LRRC4C: variants seen among roughly 807,000 people sequenced by gnomAD.
LRRC4C encodes leucine-rich repeat-containing protein 4C.
In LRRC4C, 5 loss-of-function variants were observed where a neutral mutation model predicts 33.6. The ratio of observed to expected loss-of-function variants is 0.15; its 90% CI spans 0.08 to 0.31. The LOEUF is 0.31. LRRC4C is among the 10% of genes least tolerant of loss of function. The pLI is 1.00. For synonymous variants in LRRC4C, 329 were observed against 302.0 expected, an observed-to-expected ratio of 1.09 and a Z score of -0.93; for missense variants, 560 against 796.7, an observed-to-expected ratio of 0.70 and a Z score of 3.58.
chr11:41,291,372 T>C (rs1336439289), intron 1 of LRRC4C, among the ~76,000 whole-genome samples: 1 of 152,262 alleles, frequency 6.6e-6, no homozygotes, highest in South Asian at 2.1e-4. Context: ...TATTCTACTT[T>C]TGTTTTCATT....
chr11:40,324,889 T>G (rs1946023182), intron 3 of LRRC4C, among the ~76,000 whole-genome samples: 1 of 152,166 alleles, frequency 6.6e-6, no homozygotes, highest in Admixed American at 6.5e-5. Context: ...TGGCAAGATA[T>G]TGTGCCTCAG....
chr11:41,347,567 C>T lies in LRRC4C; in HGVS notation c.-496+111864G>A, dbSNP rs78244633. Among the ~76,000 whole-genome samples the T allele has an allele frequency of 1.8e-3, 272 of 152,216 alleles. 1 individual carries two copies. The highest frequency in any genetic ancestry group is 6.4e-3 in the African/African-American group (266 of 41,532). ...TCAGAGAACTTTGTAGATATCATTT[C>T]TTCATGGATGGAATCGATTTCTATC... On this transcript the variant is annotated intron_variant, in intron 1 of 6. Transcript: ENST00000528697.
chr11:41,399,665 T>G (rs1055596388), intron 1 of LRRC4C, among the ~76,000 whole-genome samples: 1 of 151,962 alleles, frequency 6.6e-6, no homozygotes, highest in Non-Finnish European at 1.5e-5. Context: ...GAAGAGAACA[T>G]AAAACTTTAA....
At chr11:40,626,716 T>C (rs1962962756) in intron 3 of LRRC4C, among the ~76,000 whole-genome samples, 1 of 152,204 alleles carries the variant, frequency 6.6e-6, no homozygotes, top group Admixed American at 6.5e-5. Flanking sequence ...TATCCAAATC[T>C]ACATACATCA....
intron 1 of LRRC4C, among the ~76,000 whole-genome samples, chr11:41,055,297 A>G (rs1421542400): frequency 6.6e-6 from 1 of 152,138 alleles, no homozygotes; most frequent in African/African-American, 2.4e-5. Context: ...CATTGTTTAA[A>G]TACAGCATAA....
At chr11:40,590,453 C>G (rs892238396) in intron 3 of LRRC4C, among the ~76,000 whole-genome samples, 22 of 151,520 alleles carry the variant, frequency 1.5e-4, no homozygotes, top group African/African-American at 4.6e-4. Context: ...GTAATTTGAT[C>G]GTCTGAAGCC....
intron 2 of LRRC4C, among the ~76,000 whole-genome samples, chr11:40,703,567 G>A (rs892198083): frequency 5.9e-5 from 9 of 152,122 alleles, no homozygotes; most frequent in African/African-American, 2.2e-4. Context: ...TCTCAAAAGA[G>A]AGAGACAGAG....
chr11:41,352,239 T>A (rs1052486632), intron 1 of LRRC4C, among the ~76,000 whole-genome samples: 29 of 152,100 alleles, frequency 1.9e-4, no homozygotes, highest in Non-Finnish European at 3.8e-4. Context: ...AGACCAAAAA[T>A]TTTAAACCAA....
chr11:40,990,067 G>T (rs894151232), intron 1 of LRRC4C, among the ~76,000 whole-genome samples: 2 of 150,850 alleles, frequency 1.3e-5, no homozygotes, highest in Non-Finnish European at 3.0e-5. Flanking sequence ...TATAGTATCT[G>T]CAGGGTAAGA....
At chr11:41,244,493 C>G (rs1471387646) in intron 1 of LRRC4C, among the ~76,000 whole-genome samples, 1 of 152,154 alleles carries the variant, frequency 6.6e-6, no homozygotes, top group Admixed American at 6.5e-5. Context: ...GAGGATAACA[C>G]TGATTGCTAT....
chr11:40,886,435 A>ACACACACACACG (rs1412994804), intron 2 of LRRC4C, among the ~76,000 whole-genome samples: 1 of 151,066 alleles, frequency 6.6e-6, no homozygotes, highest in Non-Finnish European at 1.5e-5. Flanking sequence ...ACACACACAC[A>ACACACACACACG]CGCACACACT....
chr11:40,351,515 A>G (rs1947384337), intron 3 of LRRC4C: 1 of 149,786 alleles, frequency 6.7e-6, no homozygotes, highest in Non-Finnish European at 1.5e-5. Flanking sequence ...ACCTCCAGCT[A>G]TTGTTGTACC....
At chr11:41,310,141 A>C in intron 1 of LRRC4C, among the ~76,000 whole-genome samples, 1 of 152,248 alleles carries the variant, frequency 6.6e-6, no homozygotes, top group South Asian at 2.1e-4. Flanking sequence ...ATCCAAAGCA[A>C]GTTTGAGCTG....
chr11:40,465,930 A>T (rs1300901053), intron 3 of LRRC4C, among the ~76,000 whole-genome samples: 1 of 152,028 alleles, frequency 6.6e-6, no homozygotes, highest in East Asian at 1.9e-4. Context: ...TTGGGTATCT[A>T]CCCAAAGGAA....
At chr11:40,883,221 A>G (rs1317514409) in intron 2 of LRRC4C, among the ~76,000 whole-genome samples, 1 of 152,044 alleles carries the variant, frequency 6.6e-6, no homozygotes, top group Non-Finnish European at 1.5e-5. Context: ...GAGGTTAACA[A>G]GAGTCCCTGA....
intron 3 of LRRC4C, among the ~76,000 whole-genome samples, chr11:40,397,177 A>G (rs1949574648): frequency 6.6e-6 from 1 of 152,026 alleles, no homozygotes; most frequent in African/African-American, 2.4e-5. Context: ...CCCCTACCCA[A>G]TCTCTGGAAA....
chr11:41,207,509 G>C (rs781604661), intron 1 of LRRC4C, among the ~76,000 whole-genome samples: 22 of 152,212 alleles, frequency 1.4e-4, no homozygotes, highest in Non-Finnish European at 2.9e-4. Context: ...CAAAAGAGTA[G>C]GGCCTTAATT....
intron 5 of LRRC4C, among the ~76,000 whole-genome samples, chr11:40,237,550 T>C (rs940831706): frequency 1.3e-5 from 2 of 152,204 alleles, no homozygotes. Flanking sequence ...TCTGGCAAAG[T>C]GTTTGGTATA....
chr11:41,405,036 C>T (rs1954176736), intron 1 of LRRC4C, among the ~76,000 whole-genome samples: 1 of 151,936 alleles, frequency 6.6e-6, no homozygotes, highest in African/African-American at 2.4e-5. Flanking sequence ...TAATGTGGGT[C>T]CAGCACTATT....
Sources: allele counts gnomAD v4.1 joint callset (sites outside exome capture counted in the v4.1 genomes callset), GRCh38; gene constraint gnomAD v4.1.1; transcripts MANE v1.5; gene names NCBI Gene and HGNC (gene_info 2026-07-23, HGNC 2026-07-21).